The following EPHA5 variants were observed in gnomAD, a reference collection of about 807,000 sequenced individuals.
EPHA5 encodes the protein EPH receptor A5.
A neutral mutation model predicts 105.0 loss-of-function variants in EPHA5; 60 were observed. That is an observed-to-expected ratio of 0.57 (90% CI 0.46 to 0.71). EPHA5 has a LOEUF of 0.71. Ranked by LOEUF, EPHA5 falls within the 30% of genes least tolerant of loss-of-function variation. The pLI is 0.00. For synonymous variants in EPHA5, 513 were observed against 449.1 expected (o/e 1.14, Z -1.80); for missense variants, 1,218 against 1,274.7 (o/e 0.96, Z 0.68).
chr4:65,599,038 A>G (rs796336823), intron 3 of EPHA5, among the ~76,000 whole-genome samples: 11 of 152,268 alleles, frequency 7.2e-5, no homozygotes, highest in African/African-American at 2.2e-4. Context: ...ATATTCATAT[A>G]GTTAAAAAAC....
At position 65,386,949 on chromosome 4, in the gene EPHA5, A is replaced by G. The variant is rs573851414; in HGVS notation, c.1793+17425T>C. 5.9e-5 allele frequency among the ~76,000 whole-genome samples: 9 copies of G among 152,004 alleles called. No individual in the cohort carries two copies. In the South Asian group the frequency reaches 1.9e-3, roughly 31 times the overall value. On this transcript the variant is annotated intron_variant, in intron 8 of 16. Coordinates refer to ENST00000613740, the MANE Select transcript of EPHA5 (RefSeq NM_001281766.3). ...TAACTCTGCCAAATTTGTAACCTGCAATATAAAAAAAAAAGGCTGAAACTT... is the reference window on the plus strand; with the variant it reads ...TAACTCTGCCAAATTTGTAACCTGCGATATAAAAAAAAAAGGCTGAAACTT...
chr4:65,354,560 C>A (rs988489105), intron 11 of EPHA5, among the ~76,000 whole-genome samples: 1 of 151,528 alleles, frequency 6.6e-6, no homozygotes, highest in African/African-American at 2.4e-5. Context: ...CATTAATTAA[C>A]TTTTTAATTT....
At chr4:65,332,996 C>T (rs1166295758) in intron 15 of EPHA5, among the ~76,000 whole-genome samples, 1 of 151,384 alleles carries the variant, frequency 6.6e-6, no homozygotes, top group Non-Finnish European at 1.5e-5. Context: ...AAATGTAACC[C>T]CAAATACAAA....
chr4:65,545,395 C>A (rs892915156), intron 3 of EPHA5, among the ~76,000 whole-genome samples: 1 of 151,790 alleles, frequency 6.6e-6, no homozygotes, highest in Non-Finnish European at 1.5e-5. Context: ...CTATGAAGAT[C>A]GTATGTTGAT....
chr4:65,445,519 G>A (rs1368937498), intron 5 of EPHA5, among the ~76,000 whole-genome samples: 8 of 152,140 alleles, frequency 5.3e-5, no homozygotes, highest in Admixed American at 1.3e-4. Flanking sequence ...ATGCCAACAG[G>A]ACTGTGAGCA....
chr4:65,345,778 C>CTTT lies in EPHA5; in HGVS notation c.2595+2273_2595+2275dup, dbSNP rs36012642. Among the ~76,000 whole-genome samples, 144 of 151,010 alleles carry CTTT rather than the reference C, an allele frequency of 9.5e-4. 1 individual carries two copies. The highest frequency in any genetic ancestry group is 2.5e-3 in the South Asian group (12 of 4,772). ...ATGCCTCTTCTTTTTCTTTTCTTTT[C>CTTT]TTTTTTTTTCTTGAGACAGAGTCTC... On this transcript the variant is annotated intron_variant, in intron 14 of 16. Coordinates refer to ENST00000613740, the MANE Select transcript of EPHA5 (RefSeq NM_001281766.3).
At chr4:65,559,315 T>A (rs939189026) in intron 3 of EPHA5, among the ~76,000 whole-genome samples, 3 of 152,140 alleles carry the variant, frequency 2.0e-5, no homozygotes, top group African/African-American at 7.2e-5. Flanking sequence ...ACCCTTTTCA[T>A]AAATTTGACG....
At chr4:65,499,829 CT>C (rs11327571) in intron 3 of EPHA5, among the ~76,000 whole-genome samples, 44,787 of 146,320 alleles carry the variant, frequency 0.31, 7,499 homozygotes, top group Middle Eastern at 0.45. Context: ...AATGTATAAT[CT>C]TTTTTTTTTT....
intron 9 of EPHA5, among the ~76,000 whole-genome samples, chr4:65,366,344 A>G (rs1292906347): frequency 2.6e-5 from 4 of 151,836 alleles, no homozygotes; most frequent in Admixed American, 1.3e-4. Flanking sequence ...AGACAATGTT[A>G]TTCACCGAAC....
intron 5 of EPHA5, among the ~76,000 whole-genome samples, chr4:65,453,957 C>A (rs1443296996): frequency 9.6e-6 from 1 of 104,112 alleles, no homozygotes; most frequent in Non-Finnish European, 2.1e-5. Context: ...GAGTTTGCTG[C>A]AGACCCCTAC....
chr4:65,348,489 CA>C (rs1722433693), intron 13 of EPHA5, among the ~76,000 whole-genome samples: 1 of 151,382 alleles, frequency 6.6e-6, no homozygotes, highest in African/African-American at 2.4e-5. Flanking sequence ...GGAAAGCAGG[CA>C]GTCAAGCAAA....
chr4:65,338,117 TAAGA>T (rs1721358234), intron 14 of EPHA5, among the ~76,000 whole-genome samples: 2 of 152,000 alleles, frequency 1.3e-5, no homozygotes, highest in African/African-American at 4.8e-5. Flanking sequence ...GCCAATAATT[TAAGA>T]AAGAAATAAC....
chr4:65,476,609 G>A lies in EPHA5; in HGVS notation c.1402+13768C>T, dbSNP rs542677735. ...ACGGAGTGAGAGGAGGGATAAAGGG[G>A]TGAAAAAATAACTTTTAGGTAGTAT... On this transcript the variant is annotated intron_variant, in intron 5 of 16. Transcript: ENST00000613740. Among the ~76,000 whole-genome samples, 33 of 152,182 alleles carry A rather than the reference G, an allele frequency of 2.2e-4. No homozygotes were observed. In the South Asian group the frequency reaches 5.8e-3, roughly 27 times the overall value.
intron 5 of EPHA5, among the ~76,000 whole-genome samples, chr4:65,450,835 G>A (rs926823602): frequency 6.6e-6 from 1 of 152,038 alleles, no homozygotes; most frequent in Non-Finnish European, 1.5e-5. Flanking sequence ...CAAAATAATT[G>A]TGGCAACTAA....
chr4:65,645,657 C>T (rs72642679), intron 1 of EPHA5, among the ~76,000 whole-genome samples: 13,990 of 149,594 alleles, frequency 0.094, 1,004 homozygotes, highest in East Asian at 0.33. Context: ...TTGGACAAAA[C>T]GAATTACCTC....
intron 5 of EPHA5, among the ~76,000 whole-genome samples, chr4:65,476,588 A>G (rs1473217354): frequency 6.6e-6 from 1 of 152,188 alleles, no homozygotes; most frequent in African/African-American, 2.4e-5. Flanking sequence ...CAGAGCACGG[A>G]GTGAGAGGAG....
intron 1 of EPHA5, among the ~76,000 whole-genome samples, chr4:65,647,228 C>T (rs1389548478): frequency 2.0e-5 from 3 of 146,892 alleles, no homozygotes; most frequent in Non-Finnish European, 3.0e-5. Context: ...ACTCATGAGG[C>T]TGAGGCAGGA....
Position 65,522,316 on chromosome 4 carries a change from G to GTATATATATATATATATATACA in EPHA5, c.911-26774_911-26773insTGTATATATATATATATATATA, listed in dbSNP as rs58851174. 4.8e-4 allele frequency among the ~76,000 whole-genome samples: 69 copies of GTATATATATATATATATATACA among 142,864 alleles called. 1 individual carries two copies. Among genetic ancestry groups the GTATATATATATATATATATACA allele is most frequent in the African/African-American group, 1.8e-3 (66 of 37,362 alleles). 93.7% of individuals were successfully genotyped at this position (142,864 alleles called of 152,430 possible). A position where few individuals can be genotyped will look rare whatever the true frequency, so the allele number is the denominator to read the frequency against. ...GAAATATGTGTGTGTATATATATATGTATATATATATATATATAAAATCAA... is the reference window on the plus strand; with the variant it reads ...GAAATATGTGTGTGTATATATATATGTATATATATATATATATATACATATATATATATATATATAAAATCAA... On this transcript the variant is annotated intron_variant, in intron 3 of 16. Coordinates refer to ENST00000613740, the MANE Select transcript of EPHA5 (RefSeq NM_001281766.3).
At chr4:65,659,718 C>T (rs983545485) in intron 1 of EPHA5, among the ~76,000 whole-genome samples, 14 of 152,056 alleles carry the variant, frequency 9.2e-5, no homozygotes, top group Middle Eastern at 3.2e-3. Context: ...CATTTGTGAG[C>T]CTGCAAGCAC....
Sources: allele counts gnomAD v4.1 joint callset (sites outside exome capture counted in the v4.1 genomes callset), GRCh38; gene constraint gnomAD v4.1.1; transcripts MANE v1.5; gene names NCBI Gene and HGNC (gene_info 2026-07-23, HGNC 2026-07-21).